The following BNIP3 variants were observed in gnomAD, a reference collection of about 807,000 sequenced individuals.
The protein encoded by BNIP3 is BCL2/adenovirus E1B 19 kDa protein-interacting protein 3.
A neutral mutation model predicts 23.9 loss-of-function variants in BNIP3; 16 were observed. The observed-to-expected ratio is 0.67, with a 90% CI of 0.45 to 1.01. BNIP3 has a LOEUF of 1.01. Ranked by LOEUF, BNIP3 falls within the 50% of genes least tolerant of loss-of-function variation. BNIP3 has a pLI of 0.00. For missense variants in BNIP3, 198 were observed against 248.7 expected (o/e 0.80, Z 1.37); for synonymous variants, 81 against 89.3 (o/e 0.91, Z 0.53).
chr10:131,973,390 C>A, intron 2 of BNIP3: 2 of 501,478 alleles, frequency 4.0e-6, no homozygotes, highest in Non-Finnish European at 7.2e-6. Flanking sequence ...CCTTCACGGT[C>A]TGGGTCTGTT....
chr10:131,979,751 C>T (rs1219542265), intron 1 of BNIP3, among the ~76,000 whole-genome samples: 1 of 152,220 alleles, frequency 6.6e-6, no homozygotes, highest in Admixed American at 6.5e-5. Context: ...TAGAAAGGAA[C>T]AGAATCAGCC....
At position 131,970,891 on chromosome 10, in the gene BNIP3, G is replaced by C. The variant is rs2037026031; in HGVS notation, c.362C>G (p.Ser121Ter). The C allele has an allele frequency of 1.2e-6, 2 of 1,614,222 alleles. No individual in the cohort carries two copies. Among genetic ancestry groups the C allele is most frequent in the Non-Finnish European group, 1.7e-6 (2 of 1,180,054 alleles). The change falls in exon 4 of 6, where the codon TCA becomes TGA. Residue 121 changes from serine (S) to a stop codon, truncating the protein, a stop_gained. Transcript: ENST00000368636. LOFTEE classifies it high-confidence loss of function. This position sits in a 1 kb window ranked among gnomAD's most constrained non-coding sequence, Gnocchi z 4.1. ...KKNSDWIWDW[S>*]SRPENIPPKE... is the part of the protein sequence containing the mutation. The stretch of plus-strand genomic sequence containing the variant: ...GGGGGGAATATTTTCCGGCCGACTT[G>C]ACCAATCCCATATCCAATCTGAGTT...
chr10:131,968,637 C>T (rs1169186294), intron 5 of BNIP3, 68 bp from the exon 6 acceptor site: 1 of 1,409,104 alleles, frequency 7.1e-7, no homozygotes, highest in African/African-American at 1.4e-5. Context: ...ACAGCTGAAA[C>T]AGGGTAGCTC....
At chr10:131,977,787 A>G (rs1388846016) in intron 1 of BNIP3, among the ~76,000 whole-genome samples, 1 of 152,168 alleles carries the variant, frequency 6.6e-6, no homozygotes, top group Non-Finnish European at 1.5e-5. Context: ...GGAAACAAGG[A>G]AAAAAAACTC....
In BNIP3 at chr10:131,970,872, A is replaced by G; in HGVS notation, c.381T>C (p.Ile127=). The change falls in exon 4 of 6, where the codon ATT becomes ATC. Residue 127 remains isoleucine (I), a synonymous_variant. Transcript: ENST00000368636. This position sits in a 1 kb window ranked among gnomAD's most constrained non-coding sequence, Gnocchi z 4.1. Reference sequence around the variant, plus strand: ...ACTGAGAACACACTCACTTGGGGGGAATATTTTCCGGCCGACTTGACCAAT... The same window carrying G: ...ACTGAGAACACACTCACTTGGGGGGGATATTTTCCGGCCGACTTGACCAAT... ...IWDWSSRPEN[I]PPKEFLFKHP... The G allele has an allele frequency of 6.2e-7, 1 of 1,614,158 alleles. No homozygotes were observed. Among genetic ancestry groups the G allele is most frequent in the Non-Finnish European group, 8.5e-7 (1 of 1,180,030 alleles).
chr10:131,970,403 A>G lies in BNIP3; in HGVS notation c.539+235T>C, dbSNP rs1302548384. Reference sequence around the variant, plus strand: ...TGACTCCGTTTATATTCAGTGAGCAACAGGCAGACTCGTCAGGCCAGACAG... The same window carrying G: ...TGACTCCGTTTATATTCAGTGAGCAGCAGGCAGACTCGTCAGGCCAGACAG... On this transcript the variant is annotated intron_variant, in intron 5 of 5. Coordinates refer to ENST00000368636, the MANE Select transcript of BNIP3 (RefSeq NM_004052.4). The surrounding 1 kb of genome is among the most constrained non-coding windows in gnomAD (Gnocchi z 4.1). 3.4e-6 allele frequency: 2 copies of G among 591,266 alleles called. No individual in the cohort carries two copies. The highest frequency in any genetic ancestry group is 6.2e-5 in the Admixed American group (2 of 32,090). 36.6% of individuals were successfully genotyped at this position (591,266 alleles called of 1,614,324 possible).
At chr10:131,972,382 A>G (rs1015848583) in intron 3 of BNIP3, among the ~76,000 whole-genome samples, 1 of 152,166 alleles carries the variant, frequency 6.6e-6, no homozygotes, top group Non-Finnish European at 1.5e-5. Flanking sequence ...TCTCTACAAA[A>G]AAAACTTTTT....
chr10:131,971,655 A>T (rs1315253461), intron 3 of BNIP3: 3 of 152,058 alleles, frequency 2.0e-5, no homozygotes, highest in African/African-American at 7.2e-5. Flanking sequence ...CCCTGTCTCA[A>T]AAAAAAAGAA....
At position 131,970,837 on chromosome 10, in the gene BNIP3, C is replaced by T; in HGVS notation, c.389+27G>A. 7.4e-6 allele frequency: 12 copies of T among 1,613,992 alleles called. No individual in the cohort carries two copies. Among genetic ancestry groups the T allele is most frequent in the Non-Finnish European group, 7.6e-6 (9 of 1,179,804 alleles). Reference sequence around the variant, plus strand: ...CTGATGTGTCCTCTGTCAAGGGGTGCCCCCGTGACACTGAGAACACACTCA... The same window carrying T: ...CTGATGTGTCCTCTGTCAAGGGGTGTCCCCGTGACACTGAGAACACACTCA... On this transcript the variant is annotated intron_variant, in intron 4 of 5. Coordinates refer to ENST00000368636, the MANE Select transcript of BNIP3 (RefSeq NM_004052.4). The surrounding 1 kb of genome is among the most constrained non-coding windows in gnomAD (Gnocchi z 4.1).
At chr10:131,977,538 C>T (rs1482092193) in intron 1 of BNIP3, among the ~76,000 whole-genome samples, 2 of 152,210 alleles carry the variant, frequency 1.3e-5, no homozygotes, top group Non-Finnish European at 2.9e-5. Flanking sequence ...CACGCACCAA[C>T]ATCTGGTGTC....
At chr10:131,973,511 T>A (rs2037057569) in intron 2 of BNIP3, 1 of 509,882 alleles carries the variant, frequency 2.0e-6, no homozygotes, top group Admixed American at 3.3e-5. Context: ...ACAGCCCCGC[T>A]GAGGCGCGTG....
In BNIP3 at chr10:131,967,703, A is replaced by G. The variant is rs1217957923; in HGVS notation, c.*821T>C. On this transcript the variant is annotated 3_prime_UTR_variant, in exon 6 of 6. Coordinates refer to ENST00000368636, the MANE Select transcript of BNIP3 (RefSeq NM_004052.4). ...CAGTAATCTGAAGGATTTGGCAAAG[A>G]TTTATTTTTTTTTCCATTTCCAGTT... 6.6e-6 allele frequency: 1 copy of G among 152,576 alleles called. No individual in the cohort carries two copies. Among genetic ancestry groups the G allele is most frequent in the African/African-American group, 2.4e-5 (1 of 41,404 alleles). 9.5% of individuals were successfully genotyped at this position (152,576 alleles called of 1,614,324 possible). A position where few individuals can be genotyped will look rare whatever the true frequency, so the allele number is the denominator to read the frequency against.
At chr10:131,981,036 C>T (rs2037114904) in intron 1 of BNIP3, 1 of 152,168 alleles carries the variant, frequency 6.6e-6, no homozygotes, top group African/African-American at 2.4e-5. Flanking sequence ...TTTCCCGCTG[C>T]GTGAACGGAT....
intron 1 of BNIP3, among the ~76,000 whole-genome samples, chr10:131,978,732 A>T (rs547425935): frequency 6.6e-5 from 10 of 152,220 alleles, no homozygotes; most frequent in Admixed American, 1.3e-4. Flanking sequence ...GGTGGAATCC[A>T]GGCAAATAGA....
At chr10:131,981,719 C>G (rs2037120430) in intron 1 of BNIP3, 42 bp downstream of exon 1, 1 of 1,462,238 alleles carries the variant, frequency 6.8e-7, no homozygotes, top group Non-Finnish European at 9.0e-7. Flanking sequence ...CAGGCTTCCC[C>G]CCCGCGCCCC....
At chr10:131,979,959 G>A (rs1415775726) in intron 1 of BNIP3, among the ~76,000 whole-genome samples, 2 of 152,246 alleles carry the variant, frequency 1.3e-5, no homozygotes, top group Non-Finnish European at 1.5e-5. Context: ...GGATTTGCAG[G>A]CAGCTGGAGC....
chr10:131,973,689 C>T (rs539229567), intron 2 of BNIP3, 104 bp downstream of exon 2: 16 of 1,509,628 alleles, frequency 1.1e-5, no homozygotes, highest in Middle Eastern at 2.5e-4. Flanking sequence ...CCGAGGCGAA[C>T]AGCAGCCCAC....
chr10:131,970,856 ACACT>A lies in BNIP3; in HGVS notation c.389+4_389+7del. The A allele has an allele frequency of 6.2e-7, 1 of 1,614,234 alleles. No individual in the cohort carries two copies. The highest frequency in any genetic ancestry group is 1.1e-5 in the South Asian group (1 of 91,088). On this transcript the variant is annotated splice_donor_5th_base_variant and intron_variant, in intron 4 of 5. Transcript: ENST00000368636. The surrounding 1 kb of genome is among the most constrained non-coding windows in gnomAD (Gnocchi z 4.1). ...GGGGTGCCCCCGTGACACTGAGAAC[ACACT>A]CACTTGGGGGGAATATTTTCCGGCC...
rs1159711176 is a variant in BNIP3, at chr10:131,976,247, A to G, written c.47-2304T>C. Among the ~76,000 whole-genome samples, 1 of 152,216 alleles carries G rather than the reference A, an allele frequency of 6.6e-6. No individual in the cohort carries two copies. Among genetic ancestry groups the G allele is most frequent in the Non-Finnish European group, 1.5e-5 (1 of 68,040 alleles). ...TCTGACGATATGGAACACAAATGCA[A>G]CTTGAAGGTGTGGTGTCTCTTCTCT... On this transcript the variant is annotated intron_variant, in intron 1 of 5. Coordinates refer to ENST00000368636, the MANE Select transcript of BNIP3 (RefSeq NM_004052.4). The surrounding 1 kb of genome is among the most constrained non-coding windows in gnomAD (Gnocchi z 4.3).
Sources: gnomAD v4.1 joint callset for allele counts (sites outside exome capture counted in the v4.1 genomes callset) on GRCh38, gnomAD v4.1.1 for gene constraint, Gnocchi (gnomAD v3.1) non-coding constraint, MANE v1.5 for transcripts, NCBI Gene and HGNC (gene_info 2026-07-23, HGNC 2026-07-21) for gene names.